Variants in CCSER1 observed in about 807,000 individuals in gnomAD.
The protein encoded by CCSER1 is serine-rich coiled-coil domain-containing protein 1.
CCSER1 carries 41 observed loss-of-function variants against 82.0 expected under a neutral mutation model. That is an observed-to-expected ratio of 0.50 (90% CI 0.39 to 0.65). CCSER1 has a LOEUF of 0.65. CCSER1 is among the 30% of genes least tolerant of loss of function. CCSER1 has a pLI of 0.00. For synonymous variants in CCSER1, 414 were observed against 383.9 expected, an observed-to-expected ratio of 1.08 and a Z score of -0.92; for missense variants, 1,119 against 1,064.2, an observed-to-expected ratio of 1.05 and a Z score of -0.72.
At chr4:90,483,149 T>A (rs1766360040) in intron 5 of CCSER1, among the ~76,000 whole-genome samples, 1 of 152,194 alleles carries the variant, frequency 6.6e-6, no homozygotes, top group Non-Finnish European at 1.5e-5. Context: ...TCTCTCTTGA[T>A]CTTTGTTGGT....
intron 5 of CCSER1, among the ~76,000 whole-genome samples, chr4:90,611,945 A>G (rs1052765327): frequency 6.6e-6 from 1 of 151,532 alleles, no homozygotes; most frequent in Non-Finnish European, 1.5e-5. Flanking sequence ...TTTCTCACAG[A>G]TATCAGATAC....
chr4:91,251,163 C>T (rs187787371), intron 10 of CCSER1, among the ~76,000 whole-genome samples: 261 of 152,210 alleles, frequency 1.7e-3, no homozygotes, highest in African/African-American at 5.9e-3. Flanking sequence ...TAGCTTAAAA[C>T]CCAGAAATTT....
At chr4:90,407,602 A>G (rs1279933587) in intron 4 of CCSER1, among the ~76,000 whole-genome samples, 2 of 152,210 alleles carry the variant, frequency 1.3e-5, no homozygotes, top group Non-Finnish European at 2.9e-5. Flanking sequence ...AAATTCTCAG[A>G]AAAATACTAG....
intron 3 of CCSER1, among the ~76,000 whole-genome samples, chr4:90,334,436 A>G (rs562070131): frequency 2.0e-5 from 3 of 152,232 alleles, no homozygotes; most frequent in Non-Finnish European, 2.9e-5. Flanking sequence ...AGTAAAAAAT[A>G]CTTTACATAA....
intron 10 of CCSER1, among the ~76,000 whole-genome samples, chr4:91,203,608 C>G (rs1020357432): frequency 2.6e-5 from 4 of 151,250 alleles, no homozygotes; most frequent in African/African-American, 9.7e-5. Context: ...TGTATACACA[C>G]AGGAATGCTC....
intron 10 of CCSER1, among the ~76,000 whole-genome samples, chr4:91,133,331 G>A (rs1728169359): frequency 6.6e-6 from 1 of 152,084 alleles, no homozygotes; most frequent in Non-Finnish European, 1.5e-5. Flanking sequence ...TCAGGTGTCA[G>A]AAAGTGCTAA....
chr4:90,491,492 A>G (rs1768004924), intron 5 of CCSER1, among the ~76,000 whole-genome samples: 1 of 152,112 alleles, frequency 6.6e-6, no homozygotes, highest in Non-Finnish European at 1.5e-5. Flanking sequence ...TCTTTTCCTA[A>G]TTGAATACCC....
intron 1 of CCSER1, among the ~76,000 whole-genome samples, chr4:90,252,189 A>G (rs574569282): frequency 1.3e-5 from 2 of 152,000 alleles, no homozygotes; most frequent in Non-Finnish European, 2.9e-5. Context: ...AAATCCAAAA[A>G]TTTGAAATCC....
At chr4:91,180,227 G>A (rs983663130) in intron 10 of CCSER1, among the ~76,000 whole-genome samples, 3 of 152,230 alleles carry the variant, frequency 2.0e-5, no homozygotes, top group African/African-American at 7.2e-5. Context: ...GCTACTGGGA[G>A]TTGTCTCCCA....
rs756707980 is a variant in CCSER1, at chr4:91,117,799, T to C, written c.2217+31805T>C. ...TTACATGACCATAGACATATTCTTA[T>C]GTTTATATGTTACTTATATTATTTA... On this transcript the variant is annotated intron_variant, in intron 10 of 10. Coordinates refer to ENST00000509176, the MANE Select transcript of CCSER1 (RefSeq NM_001145065.2). Among the ~76,000 whole-genome samples the C allele has an allele frequency of 1.6e-4, 24 of 152,202 alleles. 1 individual carries two copies. Among genetic ancestry groups the C allele is most frequent in the Non-Finnish European group, 3.1e-4 (21 of 68,030 alleles).
At chr4:91,053,368 A>G (rs550226967) in intron 9 of CCSER1, among the ~76,000 whole-genome samples, 1 of 152,330 alleles carries the variant, frequency 6.6e-6, no homozygotes, top group East Asian at 1.9e-4. Context: ...ATTCCATGCA[A>G]TGACTGTACA....
chr4:90,770,235 C>T (rs1055275252), intron 7 of CCSER1, among the ~76,000 whole-genome samples: 1 of 152,138 alleles, frequency 6.6e-6, no homozygotes, highest in African/African-American at 2.4e-5. Flanking sequence ...AGTTACAAGA[C>T]CCAGCTAAGC....
chr4:91,076,386 C>T (rs1722002970), intron 9 of CCSER1, among the ~76,000 whole-genome samples: 1 of 150,864 alleles, frequency 6.6e-6, no homozygotes, highest in African/African-American at 2.4e-5. Context: ...CACTGTGTTG[C>T]TTTGAAGAAT....
intron 8 of CCSER1, among the ~76,000 whole-genome samples, chr4:90,871,157 T>C (rs1696811043): frequency 6.6e-6 from 1 of 151,690 alleles, no homozygotes; most frequent in South Asian, 2.1e-4. Context: ...TTGTATTCTG[T>C]ATGTTTTCAT....
chr4:91,585,324 C>T (rs1354192123), intron 10 of CCSER1, among the ~76,000 whole-genome samples: 2 of 151,508 alleles, frequency 1.3e-5, no homozygotes, highest in East Asian at 3.9e-4. Context: ...TGATCCTTCT[C>T]TCTTTTCCCC....
intron 10 of CCSER1, among the ~76,000 whole-genome samples, chr4:91,086,658 A>T (rs890659026): frequency 6.6e-6 from 1 of 152,080 alleles, no homozygotes; most frequent in African/African-American, 2.4e-5. Flanking sequence ...CTTATATTGC[A>T]ATTTTTGTAC....
intron 10 of CCSER1, among the ~76,000 whole-genome samples, chr4:91,313,971 C>T (rs1402970036): frequency 1.3e-5 from 2 of 151,912 alleles, no homozygotes; most frequent in African/African-American, 2.4e-5. Flanking sequence ...ATTAGAAAAC[C>T]TCCAGATCTC....
intron 9 of CCSER1, among the ~76,000 whole-genome samples, chr4:90,982,806 T>C (rs1640865216): frequency 6.6e-6 from 1 of 151,758 alleles, no homozygotes; most frequent in African/African-American, 2.4e-5. Flanking sequence ...TGAGAAAAGA[T>C]ATTCTCTAAT....
intron 10 of CCSER1, among the ~76,000 whole-genome samples, chr4:91,546,245 G>T (rs1256081746): frequency 1.3e-5 from 2 of 152,022 alleles, no homozygotes; most frequent in Non-Finnish European, 2.9e-5. Flanking sequence ...ACTTGGACTG[G>T]ATTTGACAGT....
Sources: gnomAD v4.1 joint callset for allele counts (sites outside exome capture counted in the v4.1 genomes callset) on GRCh38, gnomAD v4.1.1 for gene constraint, MANE v1.5 for transcripts, NCBI Gene and HGNC (gene_info 2026-07-23, HGNC 2026-07-21) for gene names.